The following KCNK9 variants were observed in gnomAD, a reference collection of about 807,000 sequenced individuals.
KCNK9 encodes potassium two pore domain channel subfamily K member 9, also known as potassium channel subfamily K member 9.
A neutral mutation model predicts 10.8 loss-of-function variants in KCNK9; 1 was observed. That is an observed-to-expected ratio of 0.09 (90% CI 0.03 to 0.44). The LOEUF is 0.44. Among genes scored for constraint, KCNK9 ranks in the 20% least tolerant of loss-of-function variants. KCNK9 has a pLI of 0.97. For missense variants in KCNK9, 303 were observed against 515.0 expected, an observed-to-expected ratio of 0.59 and a Z score of 3.98; for synonymous variants, 231 against 222.7, an observed-to-expected ratio of 1.04 and a Z score of -0.33.
intron 1 of KCNK9, among the ~76,000 whole-genome samples, chr8:139,697,491 G>A (rs1192917508): frequency 6.6e-6 from 1 of 151,956 alleles, no homozygotes; most frequent in Non-Finnish European, 1.5e-5. Context: ...GGGTGGGTGG[G>A]TGGATGGATG....
At chr8:139,625,389 C>T (rs1430076259) in intron 1 of KCNK9, among the ~76,000 whole-genome samples, 2 of 152,238 alleles carry the variant, frequency 1.3e-5, no homozygotes, top group South Asian at 2.1e-4. Context: ...CAGCCTGGGT[C>T]ACCTTGGGCC....
At chr8:139,604,540 A>C (rs1366997210) in intron 2 of KCNK9, among the ~76,000 whole-genome samples, 1 of 152,220 alleles carries the variant, frequency 6.6e-6, no homozygotes, top group African/African-American at 2.4e-5. Context: ...GCTGACCGGT[A>C]GGAAAGACCT....
chr8:139,644,506 G>A (rs955929974), intron 1 of KCNK9, among the ~76,000 whole-genome samples: 5 of 152,190 alleles, frequency 3.3e-5, no homozygotes, highest in South Asian at 2.1e-4. Context: ...GTGGGCTCCC[G>A]CTGCATAGGC....
At chr8:139,673,046 C>T (rs548296431) in intron 1 of KCNK9, among the ~76,000 whole-genome samples, 3 of 152,304 alleles carry the variant, frequency 2.0e-5, no homozygotes, top group Admixed American at 6.5e-5. Context: ...GAACGGGATT[C>T]GGGCAAGGAG....
Position 139,702,637 on chromosome 8 carries a change from G to C in KCNK9, c.283+73C>G, listed in dbSNP as rs1028930629. On this transcript the variant is annotated intron_variant, in intron 1 of 1. Coordinates refer to ENST00000520439, the MANE Select transcript of KCNK9 (RefSeq NM_001282534.2). This position sits in a 1 kb window ranked among gnomAD's most constrained non-coding sequence, Gnocchi z 7.5. ...ACCCTCGACGCCCTGCACCCAGCCC[G>C]GCGCGGCGCGCTCAGCCGCCTCCCC... 3.6e-5 allele frequency: 54 copies of C among 1,484,328 alleles called. No individual in the cohort carries two copies. The highest frequency in any genetic ancestry group is 4.9e-5 in the Non-Finnish European group (54 of 1,107,722). 91.9% of individuals were successfully genotyped at this position (1,484,328 alleles called of 1,614,324 possible).
At chr8:139,651,788 A>G (rs1272023418) in intron 1 of KCNK9, among the ~76,000 whole-genome samples, 1 of 152,232 alleles carries the variant, frequency 6.6e-6, no homozygotes, top group African/African-American at 2.4e-5. Flanking sequence ...AAATAAAGCC[A>G]ATATCGCCGA....
downstream of KCNK9, chr8:139,612,242 C>A (rs778270012): frequency 6.6e-6 from 1 of 152,274 alleles, no homozygotes; most frequent in Non-Finnish European, 1.5e-5. Flanking sequence ...GGTTACTTAG[C>A]CACAGCAGGG....
chr8:139,692,028 T>C (rs1378795919), intron 1 of KCNK9, among the ~76,000 whole-genome samples: 2 of 152,216 alleles, frequency 1.3e-5, no homozygotes, highest in Non-Finnish European at 1.5e-5. Flanking sequence ...CTTCCTCTTC[T>C]TCCTGCTGGG....
chr8:139,685,158 TA>T (rs746575026), intron 1 of KCNK9, among the ~76,000 whole-genome samples: 1 of 152,208 alleles, frequency 6.6e-6, no homozygotes, highest in Non-Finnish European at 1.5e-5. Context: ...CAACAAAAAT[TA>T]ATCATTGCAC....
At chr8:139,671,967 A>G (rs3824279) in intron 1 of KCNK9, among the ~76,000 whole-genome samples, 57,774 of 152,092 alleles carry the variant, frequency 0.38, 13,680 homozygotes, top group Non-Finnish European at 0.53. Context: ...GGAGAGGCAG[A>G]TGTGAAAATG....
chr8:139,677,727 AACGG>A (rs1816587443), intron 1 of KCNK9, among the ~76,000 whole-genome samples: 1 of 146,248 alleles, frequency 6.8e-6, no homozygotes, highest in African/African-American at 2.8e-5. Flanking sequence ...ATCCCAGCCC[AACGG>A]GTCCCTACAG....
Position 139,697,347 on chromosome 8 carries a change from T to TTGGATGGA in KCNK9, c.283+5355_283+5362dup, listed in dbSNP as rs75812728. Among the ~76,000 whole-genome samples the TTGGATGGA allele has an allele frequency of 6.1e-3, 879 of 143,776 alleles. 4 individuals are homozygous for TTGGATGGA. The highest frequency in any genetic ancestry group is 0.036 in the Middle Eastern group (10 of 276). The allele number at this position is 143,776 out of a possible 152,430, so 94.3% of individuals were successfully genotyped here. A position where few individuals can be genotyped will look rare whatever the true frequency, so the allele number is the denominator to read the frequency against. On this transcript the variant is annotated intron_variant, in intron 1 of 1. Transcript: ENST00000520439. ...GAATGGTGAATGGGTGAGTGGATGGTTGGATGGATGGATGGATGGATGGAT... is the reference window on the plus strand; with the variant it reads ...GAATGGTGAATGGGTGAGTGGATGGTTGGATGGATGGATGGATGGATGGATGGATGGAT...
At chr8:139,669,011 G>A (rs1816367220) in intron 1 of KCNK9, among the ~76,000 whole-genome samples, 1 of 152,034 alleles carries the variant, frequency 6.6e-6, no homozygotes. Context: ...ATTTCTCAGT[G>A]CATCCAAAAG....
At chr8:139,637,889 G>A (rs1815388340) in intron 1 of KCNK9, among the ~76,000 whole-genome samples, 2 of 151,878 alleles carry the variant, frequency 1.3e-5, no homozygotes, top group African/African-American at 4.8e-5. Context: ...ACACTTCCCT[G>A]GGCCACTGAT....
intron 1 of KCNK9, among the ~76,000 whole-genome samples, chr8:139,698,183 T>A (rs1018781375): frequency 1.3e-5 from 2 of 152,140 alleles, no homozygotes; most frequent in Admixed American, 6.5e-5. Context: ...TCTGCCTTGG[T>A]GTGTGTGGCC....
At chr8:139,701,869 C>T (rs900585176) in intron 1 of KCNK9, among the ~76,000 whole-genome samples, 2 of 152,218 alleles carry the variant, frequency 1.3e-5, no homozygotes, top group African/African-American at 4.8e-5. Context: ...CTGTGAATAG[C>T]GCCCTTGGCA....
rs78818320 is a variant in KCNK9, at chr8:139,681,644, C to T, written c.283+21066G>A. ...GGCTGCAGGTGGCACAGCAGCACAG[C>T]GGGCAGCAAGCTGGCTGCTCCCTCT... is the stretch of plus-strand genomic sequence containing the variant. On this transcript the variant is annotated intron_variant, in intron 1 of 1. Coordinates refer to ENST00000520439, the MANE Select transcript of KCNK9 (RefSeq NM_001282534.2). Among the ~76,000 whole-genome samples the T allele has an allele frequency of 7.8e-3, 1,187 of 152,272 alleles. 12 individuals carry two copies. The highest frequency in any genetic ancestry group is 0.027 in the African/African-American group (1,130 of 41,558).
At chr8:139,604,680 T>C (rs1817448028) in intron 2 of KCNK9, among the ~76,000 whole-genome samples, 1 of 152,148 alleles carries the variant, frequency 6.6e-6, no homozygotes, top group South Asian at 2.1e-4. Flanking sequence ...GGAGTAAGTT[T>C]TTCTGTATGT....
At chr8:139,628,272 T>C (rs1308577703) in intron 1 of KCNK9, among the ~76,000 whole-genome samples, 2 of 152,234 alleles carry the variant, frequency 1.3e-5, no homozygotes, top group Non-Finnish European at 2.9e-5. Flanking sequence ...GAATCATCAG[T>C]TGGCTCCATC....
Sources: allele counts gnomAD v4.1 joint callset (sites outside exome capture counted in the v4.1 genomes callset), GRCh38; gene constraint gnomAD v4.1.1; non-coding constraint Gnocchi (gnomAD v3.1); transcripts MANE v1.5; gene names NCBI Gene and HGNC (gene_info 2026-07-23, HGNC 2026-07-21).